LDLRAD3: variants seen among roughly 807,000 people sequenced by gnomAD.
LDLRAD3 encodes low density lipoprotein receptor class A domain containing 3.
A neutral mutation model predicts 29.4 loss-of-function variants in LDLRAD3; 20 were observed. That is an observed-to-expected ratio of 0.68 (90% confidence interval 0.48 to 0.99). LDLRAD3 has a LOEUF of 0.99. LDLRAD3 is among the 50% of genes least tolerant of loss of function. LDLRAD3 has a pLI of 0.00. For missense variants in LDLRAD3, 420 were observed against 454.3 expected, an observed-to-expected ratio of 0.92 and a Z score of 0.69; for synonymous variants, 157 against 192.7, an observed-to-expected ratio of 0.81 and a Z score of 1.53.
At chr11:36,089,238 C>T (rs1179243393) in intron 3 of LDLRAD3, among the ~76,000 whole-genome samples, 1 of 152,088 alleles carries the variant, frequency 6.6e-6, no homozygotes, top group African/African-American at 2.4e-5. Flanking sequence ...ACATGCTTTA[C>T]GTGGATGATC....
intron 4 of LDLRAD3, among the ~76,000 whole-genome samples, chr11:36,137,746 A>G (rs1376699701): frequency 6.6e-6 from 1 of 152,198 alleles, no homozygotes; most frequent in Non-Finnish European, 1.5e-5. Context: ...GAATAGATAA[A>G]TAGTAATTCC....
intron 4 of LDLRAD3, among the ~76,000 whole-genome samples, chr11:36,183,069 G>T (rs1800022084): frequency 6.6e-6 from 1 of 152,152 alleles, no homozygotes; most frequent in Admixed American, 6.5e-5. Context: ...ATGAATAATG[G>T]CTTCTAGTTT....
At chr11:36,132,524 G>A (rs10768188) in intron 4 of LDLRAD3, among the ~76,000 whole-genome samples, 58,114 of 151,992 alleles carry the variant, frequency 0.38, 11,393 homozygotes, top group East Asian at 0.62. Context: ...TTATTTCCCC[G>A]TTTTATAGAT....
chr11:36,220,851 A>G (rs1055104606), intron 4 of LDLRAD3, among the ~76,000 whole-genome samples: 2 of 152,224 alleles, frequency 1.3e-5, no homozygotes, highest in African/African-American at 4.8e-5. Context: ...GAATTCATCT[A>G]ATGGCACATT....
At chr11:36,157,074 A>G (rs1343921426) in intron 4 of LDLRAD3, among the ~76,000 whole-genome samples, 1 of 152,200 alleles carries the variant, frequency 6.6e-6, no homozygotes, top group Non-Finnish European at 1.5e-5. Context: ...TAGAAGCAGC[A>G]ATTTTAGGCA....
chr11:36,033,172 C>T (rs1264633231), intron 1 of LDLRAD3, among the ~76,000 whole-genome samples: 1 of 152,172 alleles, frequency 6.6e-6, no homozygotes, highest in Non-Finnish European at 1.5e-5. Flanking sequence ...CGTTACCGGC[C>T]CTCCTCATGC....
At chr11:36,050,506 C>T (rs1294415293) in intron 2 of LDLRAD3, among the ~76,000 whole-genome samples, 1 of 152,214 alleles carries the variant, frequency 6.6e-6, no homozygotes, top group Admixed American at 6.5e-5. Context: ...ACTTGTCTGA[C>T]ATTAAAATCC....
chr11:35,972,411 C>CTT (rs60756714), intron 1 of LDLRAD3: 2,418 of 146,588 alleles, frequency 0.016, 65 homozygotes, highest in African/African-American at 0.054. Context: ...ACAGCTTAAA[C>CTT]TTTTTTTTTT....
At chr11:36,105,743 T>C (rs1185932034) in intron 4 of LDLRAD3, among the ~76,000 whole-genome samples, 1 of 152,136 alleles carries the variant, frequency 6.6e-6, no homozygotes, top group East Asian at 1.9e-4. Context: ...CTCGCAGCCC[T>C]CTGAAGGAGC....
chr11:35,973,505 G>A (rs944346453), intron 1 of LDLRAD3, among the ~76,000 whole-genome samples: 6 of 152,112 alleles, frequency 3.9e-5, no homozygotes, highest in East Asian at 1.9e-4. Flanking sequence ...TCTCCCAGGC[G>A]GGAGTGCAGT....
At chr11:36,191,511 C>G (rs909760437) in intron 4 of LDLRAD3, among the ~76,000 whole-genome samples, 5 of 145,622 alleles carry the variant, frequency 3.4e-5, no homozygotes, top group South Asian at 2.3e-4. Context: ...CCACTGCACT[C>G]TAGCCTGGGT....
chr11:36,008,849 G>A (rs746560697), intron 1 of LDLRAD3, among the ~76,000 whole-genome samples: 20 of 152,152 alleles, frequency 1.3e-4, no homozygotes, highest in Non-Finnish European at 2.4e-4. Flanking sequence ...CTTGGATTTC[G>A]ATTTCCACTG....
intron 4 of LDLRAD3, among the ~76,000 whole-genome samples, chr11:36,195,147 C>CTT (rs1855013560): frequency 1.3e-5 from 2 of 152,102 alleles, no homozygotes; most frequent in South Asian, 4.1e-4. Flanking sequence ...TCTAGAAAGC[C>CTT]CTTGGTAAAT....
rs116521287 is a variant in LDLRAD3, at chr11:36,178,018, T to A, written c.455-49067T>A. On this transcript the variant is annotated intron_variant, in intron 4 of 5. Coordinates refer to ENST00000315571, the MANE Select transcript of LDLRAD3 (RefSeq NM_174902.4). Reference sequence around the variant, plus strand: ...GGCAAGCCACTTCCTTCAAAGATTCTGTGAAATCTTGTGGCTTTCCTGCTG... The same window carrying A: ...GGCAAGCCACTTCCTTCAAAGATTCAGTGAAATCTTGTGGCTTTCCTGCTG... Among the ~76,000 whole-genome samples the A allele has an allele frequency of 6.1e-3, 932 of 152,332 alleles. 12 individuals carry two copies. The highest frequency in any genetic ancestry group is 0.021 in the African/African-American group (883 of 41,574).
At chr11:36,095,359 A>G (rs892722009) in intron 3 of LDLRAD3, among the ~76,000 whole-genome samples, 52 of 152,298 alleles carry the variant, frequency 3.4e-4, no homozygotes, top group African/African-American at 1.3e-3. Context: ...CATTCTTGCC[A>G]ATGACCTGGT....
At chr11:36,008,787 CTG>C (rs1027705585) in intron 1 of LDLRAD3, among the ~76,000 whole-genome samples, 9 of 152,166 alleles carry the variant, frequency 5.9e-5, no homozygotes, top group Non-Finnish European at 1.3e-4. Flanking sequence ...TCACAGGAAA[CTG>C]TGCTGTTCAG....
chr11:36,082,337 C>G (rs1853127675), intron 3 of LDLRAD3, among the ~76,000 whole-genome samples: 1 of 152,060 alleles, frequency 6.6e-6, no homozygotes, highest in Non-Finnish European at 1.5e-5. Flanking sequence ...GGTAAAACCC[C>G]ATCTCTACAA....
At chr11:36,075,078 T>C (rs1367427792) in intron 2 of LDLRAD3, among the ~76,000 whole-genome samples, 1 of 152,084 alleles carries the variant, frequency 6.6e-6, no homozygotes, top group Non-Finnish European at 1.5e-5. Context: ...TTGATGCTGT[T>C]TTTCTGCTGG....
chr11:36,206,318 G>A (rs1467499318), intron 4 of LDLRAD3, among the ~76,000 whole-genome samples: 1 of 152,200 alleles, frequency 6.6e-6, no homozygotes. Context: ...GTGCAAGGCT[G>A]AGCTAAGTGC....
Sources: allele counts gnomAD v4.1 joint callset (sites outside exome capture counted in the v4.1 genomes callset), GRCh38; gene constraint gnomAD v4.1.1; transcripts MANE v1.5; gene names NCBI Gene and HGNC (gene_info 2026-07-23, HGNC 2026-07-21).